METTL9: variants seen among roughly 807,000 people sequenced by gnomAD.
The protein encoded by METTL9 is methyltransferase 9, His-X-His N1(pi)-histidine.
METTL9 carries 10 observed loss-of-function variants against 36.0 expected under a neutral mutation model. The observed-to-expected ratio is 0.28, with a 90% CI of 0.17 to 0.47. The LOEUF (loss-of-function observed/expected upper bound fraction) is 0.47. METTL9 is among the 20% of genes least tolerant of loss of function. The pLI is 0.99. For missense variants in METTL9, 246 were observed against 383.5 expected (o/e 0.64, Z 3.00); for synonymous variants, 175 against 149.7 (o/e 1.17, Z -1.23).
intron 4 of METTL9, among the ~76,000 whole-genome samples, chr16:21,634,108 T>C (rs887259370): frequency 2.0e-5 from 3 of 152,048 alleles, no homozygotes; most frequent in Admixed American, 1.3e-4. Flanking sequence ...ACTGAGGAGG[T>C]GGGAGAAATA....
chr16:21,612,874 T>C, intron 2 of METTL9, 39 bp downstream of exon 2: 1 of 1,503,950 alleles, frequency 6.6e-7, no homozygotes, highest in Non-Finnish European at 8.9e-7. Flanking sequence ...TCTTTATCCT[T>C]AGGTTTACAA....
upstream of METTL9, chr16:21,597,392 C>A: frequency 7.3e-6 from 6 of 824,386 alleles, no homozygotes; most frequent in South Asian, 8.5e-5. Flanking sequence ...ATGTAAATAG[C>A]ATGGGTTTGA....
At chr16:21,641,587 C>A in intron 4 of METTL9, 1 of 1,568,778 alleles carries the variant, frequency 6.4e-7, no homozygotes, top group Non-Finnish European at 8.8e-7. Context: ...GTGTTGTTAT[C>A]TTTCTCCTGC....
At chr16:21,628,287 G>GA (rs1965858629) in intron 4 of METTL9, among the ~76,000 whole-genome samples, 1 of 151,992 alleles carries the variant, frequency 6.6e-6, no homozygotes, top group Non-Finnish European at 1.5e-5. Context: ...GGCCATTATT[G>GA]AAATTGACCA....
At chr16:21,618,968 G>C (rs888243360) in intron 3 of METTL9, among the ~76,000 whole-genome samples, 15 of 152,232 alleles carry the variant, frequency 9.9e-5, no homozygotes, top group African/African-American at 3.6e-4. Flanking sequence ...AAAGTGCTGG[G>C]ATTACAGGTG....
intron 4 of METTL9, among the ~76,000 whole-genome samples, chr16:21,631,490 C>A (rs1965959563): frequency 6.6e-6 from 1 of 152,184 alleles, no homozygotes; most frequent in South Asian, 2.1e-4. Context: ...AAACAGCTTG[C>A]AAGTTTGAGC....
At chr16:21,637,438 A>C (rs1474305065) in intron 4 of METTL9, among the ~76,000 whole-genome samples, 1 of 152,222 alleles carries the variant, frequency 6.6e-6, no homozygotes, top group East Asian at 1.9e-4. Context: ...GTGCGTTTAC[A>C]AACCTTTAAG....
chr16:21,629,936 C>T (rs1160181792), intron 4 of METTL9, among the ~76,000 whole-genome samples: 2 of 151,962 alleles, frequency 1.3e-5, no homozygotes, highest in African/African-American at 2.4e-5. Flanking sequence ...TTTACAATCC[C>T]TTAGCAAGAC....
intron 1 of METTL9, among the ~76,000 whole-genome samples, chr16:21,610,122 C>T (rs1965392610): frequency 6.6e-6 from 1 of 152,198 alleles, no homozygotes. Flanking sequence ...AAAGAAACCT[C>T]ATGTCCATTA....
chr16:21,602,509 G>A (rs1213188570), intron 1 of METTL9, among the ~76,000 whole-genome samples: 1 of 152,066 alleles, frequency 6.6e-6, no homozygotes, highest in African/African-American at 2.4e-5. Context: ...GTGGCTGGGA[G>A]GCCAGACTGG....
At chr16:21,627,097 T>A (rs1965832899) in intron 4 of METTL9, 1 of 985,376 alleles carries the variant, frequency 1.0e-6, no homozygotes, top group Non-Finnish European at 1.2e-6. Context: ...TATGGGTGAC[T>A]TTTAGTGACC....
intron 4 of METTL9, chr16:21,651,855 A>AT (rs1454621196): frequency 6.6e-6 from 1 of 152,060 alleles, no homozygotes; most frequent in Non-Finnish European, 1.5e-5. Context: ...ATATATACTT[A>AT]TTAGCAAAAA....
intron 4 of METTL9, among the ~76,000 whole-genome samples, chr16:21,632,842 G>T (rs1336204634): frequency 2.0e-5 from 3 of 152,064 alleles, no homozygotes; most frequent in Non-Finnish European, 4.4e-5. Flanking sequence ...CTGGTTGTGG[G>T]GTCATCCCAC....
chr16:21,632,242 T>G (rs1965980885), intron 4 of METTL9, among the ~76,000 whole-genome samples: 1 of 152,242 alleles, frequency 6.6e-6, no homozygotes, highest in Admixed American at 6.5e-5. Flanking sequence ...GCATGTAGGA[T>G]TACATAAGCA....
chr16:21,597,649 G>C (rs1964977934), upstream of METTL9, among the ~76,000 whole-genome samples: 1 of 152,008 alleles, frequency 6.6e-6, no homozygotes, highest in South Asian at 2.1e-4. Flanking sequence ...TGTCTCCTTT[G>C]TCTTCAGAAA....
intron 4 of METTL9, chr16:21,641,475 A>G: frequency 2.1e-6 from 2 of 970,112 alleles, no homozygotes; most frequent in Non-Finnish European, 1.6e-6. Flanking sequence ...ATGTTCATTA[A>G]CACTGCCATA....
At chr16:21,650,245 G>A (rs1966532124) in intron 4 of METTL9, among the ~76,000 whole-genome samples, 1 of 152,146 alleles carries the variant, frequency 6.6e-6, no homozygotes, top group Admixed American at 6.5e-5. Flanking sequence ...GGTGGCTCAC[G>A]CCTGTAATCC....
chr16:21,598,019 A>C (rs1043291010), upstream of METTL9: 3 of 152,244 alleles, frequency 2.0e-5, no homozygotes, highest in African/African-American at 7.2e-5. Flanking sequence ...TATCCTTGTT[A>C]GCCAAAGGTG....
intron 1 of METTL9, among the ~76,000 whole-genome samples, chr16:21,602,395 T>G (rs917424719): frequency 2.0e-5 from 3 of 152,170 alleles, no homozygotes; most frequent in African/African-American, 7.2e-5. Flanking sequence ...AAAACTGTAG[T>G]AGCAGTGCCA....
Sources: allele counts gnomAD v4.1 joint callset (sites outside exome capture counted in the v4.1 genomes callset), GRCh38; gene constraint gnomAD v4.1.1; transcripts MANE v1.5; gene names NCBI Gene and HGNC (gene_info 2026-07-23, HGNC 2026-07-21).